The following LSAMP variants were observed in gnomAD, a reference collection of about 807,000 sequenced individuals.
LSAMP encodes limbic system-associated membrane protein.
Under a neutral mutation model 38.6 loss-of-function variants are expected in LSAMP, and 7 were observed. The observed-to-expected ratio is 0.18, with a 90% CI of 0.10 to 0.34. The LOEUF is 0.34. Ranked by LOEUF, LSAMP falls within the 10% of genes least tolerant of loss-of-function variation. The pLI, the probability that LSAMP is intolerant of heterozygous loss-of-function variation, is 1.00. For missense variants in LSAMP, 313 were observed against 420.0 expected (o/e 0.75, Z 2.23); for synonymous variants, 154 against 166.8 (o/e 0.92, Z 0.59).
intron 1 of LSAMP, among the ~76,000 whole-genome samples, chr3:116,323,080 T>G (rs1051806056): frequency 6.6e-6 from 1 of 152,114 alleles, no homozygotes. Flanking sequence ...AGACTAGAGC[T>G]CCATTATAAG....
intron 1 of LSAMP, among the ~76,000 whole-genome samples, chr3:116,137,632 T>C (rs1471108454): frequency 1.3e-5 from 2 of 152,178 alleles, no homozygotes; most frequent in African/African-American, 4.8e-5. Context: ...TTTGTTTTTA[T>C]GGCTACCCCA....
At chr3:116,117,879 G>A (rs1708787215) in intron 1 of LSAMP, among the ~76,000 whole-genome samples, 2 of 152,014 alleles carry the variant, frequency 1.3e-5, no homozygotes, top group South Asian at 4.1e-4. Flanking sequence ...GTGTTTGTCA[G>A]TTTTGTCCAC....
chr3:116,374,038 T>G (rs1313502912), intron 1 of LSAMP, among the ~76,000 whole-genome samples: 1 of 151,968 alleles, frequency 6.6e-6, no homozygotes, highest in Admixed American at 6.6e-5. Flanking sequence ...GGGTCCTCCA[T>G]GTAATGTACA....
chr3:116,189,056 A>C (rs531932095), intron 1 of LSAMP, among the ~76,000 whole-genome samples: 1 of 152,328 alleles, frequency 6.6e-6, no homozygotes, highest in South Asian at 2.1e-4. Context: ...CTAATTCATA[A>C]GCTTCTATTC....
intron 3 of LSAMP, among the ~76,000 whole-genome samples, chr3:115,856,771 C>G (rs1159075894): frequency 1.3e-5 from 2 of 152,120 alleles, no homozygotes; most frequent in Non-Finnish European, 2.9e-5. Context: ...CTTGGACTTC[C>G]CAAGCTCCAA....
intron 1 of LSAMP, among the ~76,000 whole-genome samples, chr3:116,408,655 C>G (rs559370647): frequency 5.9e-5 from 9 of 152,056 alleles, no homozygotes; most frequent in Admixed American, 3.3e-4. Context: ...CTCCATTTAA[C>G]AGGCTCGGAG....
intron 1 of LSAMP, among the ~76,000 whole-genome samples, chr3:116,349,512 C>G (rs905103441): frequency 6.7e-6 from 1 of 149,452 alleles, no homozygotes; most frequent in South Asian, 2.1e-4. Flanking sequence ...CTCTCTCTCT[C>G]TCTCTCACAC....
intron 1 of LSAMP, among the ~76,000 whole-genome samples, chr3:116,389,652 T>C (rs6438315): frequency 0.31 from 46,968 of 151,978 alleles, 10,077 homozygotes; most frequent in African/African-American, 0.61. Flanking sequence ...CTTCCCTGGA[T>C]ATAAATCAAA....
At chr3:115,887,391 A>G (rs1289193968) in intron 3 of LSAMP, among the ~76,000 whole-genome samples, 2 of 152,074 alleles carry the variant, frequency 1.3e-5, no homozygotes, top group East Asian at 3.9e-4. Context: ...TATTTTAATA[A>G]CTAGCAATAA....
chr3:116,201,187 G>A (rs554746638), intron 1 of LSAMP, among the ~76,000 whole-genome samples: 1 of 152,108 alleles, frequency 6.6e-6, no homozygotes, highest in Non-Finnish European at 1.5e-5. Flanking sequence ...TCATTTGCAT[G>A]CATTGGCTCC....
intron 2 of LSAMP, among the ~76,000 whole-genome samples, chr3:116,081,370 C>T (rs1387348956): frequency 6.6e-6 from 1 of 151,884 alleles, no homozygotes; most frequent in Non-Finnish European, 1.5e-5. Flanking sequence ...AGGAGAATTG[C>T]TTGAACCTGG....
At chr3:116,040,215 T>A (rs1405334434) in intron 2 of LSAMP, among the ~76,000 whole-genome samples, 2 of 152,172 alleles carry the variant, frequency 1.3e-5, no homozygotes, top group Non-Finnish European at 2.9e-5. Context: ...CACTCCAGTA[T>A]TTCTATAGAT....
chr3:115,927,051 G>A (rs1937511517), intron 3 of LSAMP, among the ~76,000 whole-genome samples: 1 of 152,162 alleles, frequency 6.6e-6, no homozygotes, highest in African/African-American at 2.4e-5. Flanking sequence ...GAAGATAAAT[G>A]TATGAATGAC....
In LSAMP at chr3:116,079,924, A is replaced by G. The variant is rs1707836270; in HGVS notation, c.388+6400T>C. Among the ~76,000 whole-genome samples the G allele has an allele frequency of 1.3e-5, 2 of 152,198 alleles. 1 individual carries two copies. The highest frequency in any genetic ancestry group is 4.1e-4 in the South Asian group (2 of 4,836). On this transcript the variant is annotated intron_variant, in intron 2 of 6. Coordinates refer to ENST00000490035, the MANE Select transcript of LSAMP (RefSeq NM_002338.5). The stretch of plus-strand genomic sequence containing the variant: ...TTTTAAGGTAATGTGTAGAAAACAC[A>G]AATGCTACAGTTAATGATAATTTAT...
chr3:116,253,965 C>T (rs148974857), intron 1 of LSAMP, among the ~76,000 whole-genome samples: 102 of 152,206 alleles, frequency 6.7e-4, no homozygotes, highest in African/African-American at 2.2e-3. Flanking sequence ...TGCTTCTTCA[C>T]ATTATTTCCT....
At chr3:115,976,437 A>T (rs1317276746) in intron 3 of LSAMP, among the ~76,000 whole-genome samples, 1 of 152,190 alleles carries the variant, frequency 6.6e-6, no homozygotes, top group Admixed American at 6.5e-5. Flanking sequence ...TCTGAATCAA[A>T]AGAGGCTGAG....
chr3:116,256,068 C>T (rs988680547), intron 1 of LSAMP, among the ~76,000 whole-genome samples: 28 of 152,236 alleles, frequency 1.8e-4, no homozygotes, highest in East Asian at 1.9e-4. Flanking sequence ...AATTTCTAAA[C>T]GCTTCCATTG....
At chr3:115,837,635 G>C (rs1934837454) in intron 6 of LSAMP, among the ~76,000 whole-genome samples, 1 of 152,030 alleles carries the variant, frequency 6.6e-6, no homozygotes, top group Non-Finnish European at 1.5e-5. Context: ...TAAAGACAGT[G>C]GAAAGGCCTC....
At chr3:115,937,557 C>T (rs1221786084) in intron 3 of LSAMP, among the ~76,000 whole-genome samples, 3 of 151,644 alleles carry the variant, frequency 2.0e-5, no homozygotes, top group African/African-American at 4.8e-5. Context: ...GGGAGGATTG[C>T]TTGAGCCCAG....
Sources: allele counts gnomAD v4.1 joint callset (sites outside exome capture counted in the v4.1 genomes callset), GRCh38; gene constraint gnomAD v4.1.1; transcripts MANE v1.5; gene names NCBI Gene and HGNC (gene_info 2026-07-23, HGNC 2026-07-21).